Variants in TEX9 observed in about 807,000 individuals in gnomAD.
TEX9 encodes the protein testis-expressed protein 9.
Under a neutral mutation model 59.6 loss-of-function variants are expected in TEX9, and 74 were observed. The ratio of observed to expected loss-of-function variants is 1.24; its 90% CI spans 1.03 to 1.51. The LOEUF (loss-of-function observed/expected upper bound fraction) is 1.51. Ranked by LOEUF, TEX9 falls within the 40% of genes most tolerant of loss-of-function variation. The pLI, the probability that TEX9 is intolerant of heterozygous loss-of-function variation, is 0.00. For missense variants in TEX9, 522 were observed against 447.8 expected (o/e 1.17, Z -1.49); for synonymous variants, 186 against 152.2 (o/e 1.22, Z -1.64).
intron 1 of TEX9, among the ~76,000 whole-genome samples, chr15:56,287,167 A>G (rs577279901): frequency 4.3e-4 from 66 of 152,328 alleles, no homozygotes; most frequent in South Asian, 2.3e-3. Context: ...TATGGTAAAG[A>G]AAATTAAACT....
chr15:56,348,289 C>T (rs956421344), intron 1 of TEX9, among the ~76,000 whole-genome samples: 2 of 151,992 alleles, frequency 1.3e-5, no homozygotes, highest in Non-Finnish European at 2.9e-5. Flanking sequence ...AGTACTCCTT[C>T]TCCTGGAAGT....
chr15:56,291,528 A>G (rs1397940075), intron 1 of TEX9, among the ~76,000 whole-genome samples: 1 of 152,194 alleles, frequency 6.6e-6, no homozygotes, highest in Non-Finnish European at 1.5e-5. Flanking sequence ...TAATTAACAC[A>G]TGGATTACCT....
chr15:56,358,334 G>T (rs1429750454), intron 1 of TEX9, among the ~76,000 whole-genome samples: 1 of 145,854 alleles, frequency 6.9e-6, no homozygotes, highest in African/African-American at 2.5e-5. Flanking sequence ...GTAATGCATA[G>T]ATAAGTTTTT....
At chr15:56,450,937 GA>G (rs1398478109), downstream of TEX9, among the ~76,000 whole-genome samples, 1 of 152,088 alleles carries the variant, frequency 6.6e-6, no homozygotes, top group Non-Finnish European at 1.5e-5. Flanking sequence ...TATTAGATGT[GA>G]AACAGTTTCT....
chr15:56,339,292 A>T (rs1297194517), intron 1 of TEX9, among the ~76,000 whole-genome samples: 1 of 146,348 alleles, frequency 6.8e-6, no homozygotes, highest in Non-Finnish European at 1.5e-5. Flanking sequence ...CTGAGGCAGG[A>T]GAATCGCTTG....
chr15:56,454,904 T>C, the TEX9 span, among the ~76,000 whole-genome samples: 4 of 152,200 alleles, frequency 2.6e-5, no homozygotes, highest in Admixed American at 2.0e-4. Flanking sequence ...TTCTGTATTA[T>C]TGAAGTAAAA....
rs144809596 is a variant in TEX9 at position 56,334,562 on chromosome 15, C to T, written c.-106-38879C>T. On this transcript the variant is annotated intron_variant, in intron 1 of 5. Coordinates refer to the TEX9 transcript ENST00000560827. The stretch of plus-strand genomic sequence containing the variant: ...AACTGTGAAACTACTGAAAGAAATA[C>T]TGGGGACACTCTTTAGAACATTGGT... Among the ~76,000 whole-genome samples the T allele has an allele frequency of 2.3e-3, 347 of 152,172 alleles. 1 individual carries two copies. The highest frequency in any genetic ancestry group is 7.9e-3 in the African/African-American group (328 of 41,526).
chr15:56,268,863 C>T (rs1423807532), intron 1 of TEX9, among the ~76,000 whole-genome samples: 5 of 151,806 alleles, frequency 3.3e-5, no homozygotes, highest in Admixed American at 2.0e-4. Flanking sequence ...GAGGATTCCC[C>T]CTTTTTCTAT....
chr15:56,426,082 G>A (rs1465568772), intron 10 of TEX9, among the ~76,000 whole-genome samples: 1 of 152,116 alleles, frequency 6.6e-6, no homozygotes, highest in African/African-American at 2.4e-5. Context: ...GGTTCCTGCA[G>A]TTCTGTGGAC....
rs553976316 is a variant in TEX9 at position 56,276,392 on chromosome 15, A to T, written c.-107+32114A>T. ...CCCCTCCCTGTGTCCATGTGTTCTCATTGTCAACTCCCACTTATGAGTGAG... is the reference window on the plus strand; with the variant it reads ...CCCCTCCCTGTGTCCATGTGTTCTCTTTGTCAACTCCCACTTATGAGTGAG... On this transcript the variant is annotated intron_variant, in intron 1 of 5. Coordinates refer to the TEX9 transcript ENST00000560827. Among the ~76,000 whole-genome samples, 11 of 152,036 alleles carry T rather than the reference A, an allele frequency of 7.2e-5. No homozygotes were observed. In the East Asian group the frequency reaches 2.1e-3, roughly 29 times the overall value.
At chr15:56,434,181 T>C (rs2050675460) in intron 12 of TEX9, 1 of 1,613,720 alleles carries the variant, frequency 6.2e-7, no homozygotes, top group Non-Finnish European at 8.5e-7. Context: ...AATAAGTTTT[T>C]CCACAGCCCT....
At chr15:56,428,719 G>C in intron 12 of TEX9, 1 of 358,002 alleles carries the variant, frequency 2.8e-6, no homozygotes, top group East Asian at 4.7e-5. Flanking sequence ...GACCAAAAAA[G>C]ATGCTTTAAA....
intron 1 of TEX9, among the ~76,000 whole-genome samples, chr15:56,276,502 A>G (rs892403152): frequency 1.3e-5 from 2 of 152,198 alleles, no homozygotes; most frequent in Admixed American, 6.5e-5. Flanking sequence ...TGCAAAGGAC[A>G]TGAACCCATT....
intron 1 of TEX9, among the ~76,000 whole-genome samples, chr15:56,330,031 G>GA (rs767619452): frequency 1.2e-3 from 179 of 145,840 alleles, no homozygotes; most frequent in African/African-American, 2.5e-3. Context: ...CAAGAGAAAA[G>GA]AAAAAAAACA....
chr15:56,308,213 C>A (rs1169899858), intron 1 of TEX9, among the ~76,000 whole-genome samples: 1 of 152,196 alleles, frequency 6.6e-6, no homozygotes. Context: ...GTTCCAATTT[C>A]TTCACATCCT....
intron 1 of TEX9, among the ~76,000 whole-genome samples, chr15:56,316,569 C>T (rs1396621891): frequency 6.6e-6 from 1 of 151,490 alleles, no homozygotes; most frequent in African/African-American, 2.4e-5. Context: ...CAGACAGGGA[C>T]ATTTAAGGCT....
At chr15:56,455,920 G>A in the TEX9 span, among the ~76,000 whole-genome samples, 2 of 152,086 alleles carry the variant, frequency 1.3e-5, no homozygotes, top group Non-Finnish European at 2.9e-5. Context: ...AAAGAAGACA[G>A]ATGCATGAAG....
At chr15:56,296,339 C>T (rs2045218209) in intron 1 of TEX9, among the ~76,000 whole-genome samples, 1 of 152,010 alleles carries the variant, frequency 6.6e-6, no homozygotes, top group Non-Finnish European at 1.5e-5. Context: ...TGTTTTAGAG[C>T]CCTAGGAAAA....
intron 1 of TEX9, among the ~76,000 whole-genome samples, chr15:56,259,699 A>C (rs963932365): frequency 1.3e-5 from 2 of 151,936 alleles, no homozygotes; most frequent in Non-Finnish European, 2.9e-5. Context: ...ATTCTTCTTC[A>C]TTTCTTGGCT....
Sources: allele counts gnomAD v4.1 joint callset (sites outside exome capture counted in the v4.1 genomes callset), GRCh38; gene constraint gnomAD v4.1.1; transcripts MANE v1.5; gene names NCBI Gene and HGNC (gene_info 2026-07-23, HGNC 2026-07-21).